The following RGS3 variants were observed in gnomAD, a reference collection of about 807,000 sequenced individuals.
RGS3 encodes regulator of G-protein signalling 3.
In RGS3, 80 loss-of-function variants were observed where a neutral mutation model predicts 132.6. The observed-to-expected ratio is 0.60, with a 90% CI of 0.50 to 0.73. The LOEUF (loss-of-function observed/expected upper bound fraction) is 0.73. Ranked by LOEUF, RGS3 falls within the 30% of genes least tolerant of loss-of-function variation. The pLI, the probability that RGS3 is intolerant of heterozygous loss-of-function variation, is 0.00. For synonymous variants in RGS3, 598 were observed against 620.6 expected (o/e 0.96, Z 0.54); for missense variants, 1,382 against 1,530.8 (o/e 0.90, Z 1.62).
intron 3 of RGS3, among the ~76,000 whole-genome samples, chr9:113,462,376 C>T (rs968745742): frequency 1.3e-5 from 2 of 152,174 alleles, no homozygotes; most frequent in East Asian, 1.9e-4. Context: ...AACAATCCTA[C>T]GGCATTTATG....
upstream of RGS3, chr9:113,460,172 T>C: frequency 8.5e-7 from 1 of 1,170,950 alleles, no homozygotes; most frequent in Admixed American, 3.7e-5. Flanking sequence ...TTGGTCTTAT[T>C]GTTGAAGTTT....
intron 18 of RGS3, among the ~76,000 whole-genome samples, chr9:113,534,331 T>C (rs774232829): frequency 3.2e-4 from 48 of 152,292 alleles, no homozygotes; most frequent in Middle Eastern, 3.4e-3. Flanking sequence ...ATGACCTTGG[T>C]GACATTTTCA....
In RGS3 at chr9:113,537,404, T is replaced by C. The variant is rs1832725129; in HGVS notation, c.2037+486T>C. Reference sequence around the variant, plus strand: ...TAGAGCTGAGTGTGGACTGCTGGGGTCTGGGGACTGGCTGGCAGGAGCACC... The same window carrying C: ...TAGAGCTGAGTGTGGACTGCTGGGGCCTGGGGACTGGCTGGCAGGAGCACC... On this transcript the variant is annotated intron_variant, in intron 19 of 24. Transcript: ENST00000350696. The surrounding 1 kb of genome is among the most constrained non-coding windows in gnomAD (Gnocchi z 4.3). Among the ~76,000 whole-genome samples, 1 of 152,026 alleles carries C rather than the reference T, an allele frequency of 6.6e-6. No homozygotes were observed. The highest frequency in any genetic ancestry group is 1.5e-5 in the Non-Finnish European group (1 of 67,972).
chr9:113,554,409 T>A (rs1174678867), intron 19 of RGS3, among the ~76,000 whole-genome samples: 5 of 152,188 alleles, frequency 3.3e-5, no homozygotes, highest in African/African-American at 1.2e-4. Context: ...GAGTTCAAGC[T>A]ATTCTCCTGC....
At chr9:113,553,459 A>AAAATATAT (rs1426114805) in intron 19 of RGS3, among the ~76,000 whole-genome samples, 5 of 58,694 alleles carry the variant, frequency 8.5e-5, no homozygotes, top group Non-Finnish European at 1.5e-4. Flanking sequence ...AAAAAAAAAA[A>AAAATATAT]ATATATATAT....
At chr9:113,542,596 C>G (rs539834726) in intron 19 of RGS3, among the ~76,000 whole-genome samples, 1 of 152,278 alleles carries the variant, frequency 6.6e-6, no homozygotes, top group Non-Finnish European at 1.5e-5. Context: ...TACCCTCCTC[C>G]TCAATGGCCC....
chr9:113,512,492 A>G (rs1363869338), intron 14 of RGS3, among the ~76,000 whole-genome samples: 1 of 152,096 alleles, frequency 6.6e-6, no homozygotes, highest in African/African-American at 2.4e-5. Flanking sequence ...TGTCAGGGGC[A>G]CGGGGGGAGT....
upstream of RGS3, among the ~76,000 whole-genome samples, chr9:113,457,207 C>T (rs1387247873): frequency 8.6e-5 from 13 of 151,536 alleles, 1 homozygote; most frequent in Admixed American, 8.6e-4. Context: ...CGTACAACGC[C>T]CCCTCTCACT....
intron 10 of RGS3, among the ~76,000 whole-genome samples, chr9:113,498,571 T>G (rs1466576753): frequency 6.6e-6 from 1 of 152,094 alleles, no homozygotes; most frequent in Non-Finnish European, 1.5e-5. Flanking sequence ...TCATTCCATC[T>G]CTTTGCAGGG....
At chr9:113,495,795 A>C (rs757863750) in exon 8 of RGS3, 2 of 1,614,034 alleles carry the variant, frequency 1.2e-6, no homozygotes, top group Non-Finnish European at 1.7e-6. Flanking sequence ...GACAGAGTGG[A>C]CTCATTGGCT....
upstream of RGS3, among the ~76,000 whole-genome samples, chr9:113,458,182 C>T (rs951722996): frequency 1.3e-5 from 2 of 152,192 alleles, no homozygotes; most frequent in African/African-American, 2.4e-5. Context: ...CTCCCAAAGT[C>T]CTGGGATTAC....
intron 19 of RGS3, chr9:113,541,767 TG>T: frequency 3.9e-6 from 4 of 1,017,960 alleles, no homozygotes; most frequent in Non-Finnish European, 4.7e-6. Flanking sequence ...CAGGAGAGGT[TG>T]GGAGAGGTCA....
rs3221187 is a variant in RGS3 at position 113,465,439 on chromosome 9, C to CTGTGTGTGTGTGTGTGTG, written c.415+3263_415+3280dup. 6.6e-5 allele frequency among the ~76,000 whole-genome samples: 9 copies of CTGTGTGTGTGTGTGTGTG among 135,410 alleles called. No individual in the cohort carries two copies. The South Asian group carries it at 1.0e-3, about 16-fold the overall frequency. The allele number at this position is 135,410 out of a possible 152,430, so 88.8% of individuals were successfully genotyped here. ...CCCAGGCTTATTTCCACACCTATTT[C>CTGTGTGTGTGTGTGTGTG]TGTGTGTGTGTGTGTGTGTGTGTGT... On this transcript the variant is annotated intron_variant, in intron 3 of 24. Transcript: ENST00000350696.
At chr9:113,519,749 G>A (rs1169786874) in intron 16 of RGS3, among the ~76,000 whole-genome samples, 2 of 151,138 alleles carry the variant, frequency 1.3e-5, no homozygotes, top group Non-Finnish European at 1.5e-5. Context: ...ATCTTTATTT[G>A]TGGAATGTTC....
chr9:113,445,355 T>C (rs767690879), intron 1 of RGS3, among the ~76,000 whole-genome samples: 1 of 151,872 alleles, frequency 6.6e-6, no homozygotes, highest in Non-Finnish European at 1.5e-5. Context: ...CCCACCACCA[T>C]GCCTGGCTAA....
exon 20 of RGS3, chr9:113,583,907 A>C (rs376392077): frequency 1.2e-6 from 2 of 1,614,084 alleles, no homozygotes; most frequent in African/African-American, 2.7e-5. Flanking sequence ...CTTACTGAGG[A>C]CACCATGAGC....
At chr9:113,574,718 G>A (rs528645014) in intron 19 of RGS3, among the ~76,000 whole-genome samples, 6 of 152,186 alleles carry the variant, frequency 3.9e-5, no homozygotes, top group East Asian at 1.9e-4. Flanking sequence ...AGACTTGAGG[G>A]ATAGAGAGCT....
chr9:113,562,799 C>T lies in RGS3; in HGVS notation c.2038-20651C>T, dbSNP rs774817307. 5.4e-4 allele frequency among the ~76,000 whole-genome samples: 82 copies of T among 152,344 alleles called. 1 individual carries two copies. Among genetic ancestry groups the T allele is most frequent in the South Asian group, 1.5e-3 (7 of 4,826 alleles). On this transcript the variant is annotated intron_variant, in intron 19 of 24. Coordinates refer to ENST00000350696, the Ensembl canonical transcript of RGS3. ...GCACTGGACTGGGAGTTAGCAATCC[C>T]AGCCCTGCCACTCAGTTGCTGTGTT...
At chr9:113,513,257 GGT>G (rs960020000) in intron 14 of RGS3, among the ~76,000 whole-genome samples, 7 of 152,076 alleles carry the variant, frequency 4.6e-5, no homozygotes, top group Non-Finnish European at 8.8e-5. Flanking sequence ...CAGGGTGAGG[GGT>G]GTGTGTCCAT....
Sources: allele counts gnomAD v4.1 joint callset (sites outside exome capture counted in the v4.1 genomes callset), GRCh38; gene constraint gnomAD v4.1.1; non-coding constraint Gnocchi (gnomAD v3.1); transcripts MANE v1.5; gene names NCBI Gene and HGNC (gene_info 2026-07-23, HGNC 2026-07-21).